ARHGEF5: variants seen among roughly 807,000 people sequenced by gnomAD.
ARHGEF5 encodes Rho guanine nucleotide exchange factor 5.
A neutral mutation model predicts 104.0 loss-of-function variants in ARHGEF5; 11 were observed. The ratio of observed to expected loss-of-function variants is 0.11; its 90% confidence interval spans 0.07 to 0.18. The LOEUF (loss-of-function observed/expected upper bound fraction) is 0.18. Ranked by LOEUF, ARHGEF5 falls within the 10% of genes least tolerant of loss-of-function variation. The probability of loss-of-function intolerance (pLI) is 1.00; values close to 1 mark genes in which losing one functional copy is unlikely to be tolerated. For missense variants in ARHGEF5, 165 were observed against 1,335.4 expected (o/e 0.12, Z 13.66); for synonymous variants, 60 against 512.2 (o/e 0.12, Z 11.92).
Position 144,362,670 on chromosome 7 carries a change from A to ATGGAGGCTGAGGGGGCCCAGCG in ARHGEF5, c.13_14insGGGCCCAGCGTGGAGGCTGAGG (p.Glu5?). On this transcript the variant is annotated frameshift_variant and start_lost, in exon 2 of 15. Coordinates refer to ENST00000056217, the MANE Select transcript of ARHGEF5 (RefSeq NM_005435.4). LOFTEE classifies it high-confidence loss of function. ...GATTCCTCCTTAGGATTCAGCCCTG[A>ATGGAGGCTGAGGGGGCCCAGCG]TGGAGGCTGAGGAGGCCCAGCGTGG... 7.4e-7 allele frequency: 1 copy of ATGGAGGCTGAGGGGGCCCAGCG among 1,354,730 alleles called. No homozygotes were observed. The highest frequency in any genetic ancestry group is 2.0e-5 in the Admixed American group (1 of 49,866). The allele number at this position is 1,354,730 out of a possible 1,614,324, so 83.9% of individuals were successfully genotyped here.
chr7:144,377,241 CT>C, intron 13 of ARHGEF5, 51 bp downstream of exon 13: 1 of 1,491,446 alleles, frequency 6.7e-7, no homozygotes, highest in Non-Finnish European at 9.0e-7. Context: ...CAGATGTCAC[CT>C]TTGGATACAG....
Position 144,363,344 on chromosome 7 carries a change from G to C in ARHGEF5, c.675G>C (p.Gln225His), listed in dbSNP as rs769759551. The change falls in exon 2 of 15, where the codon CAG (glutamine) becomes CAC (histidine). Residue 225 changes from glutamine (Q) to histidine (H), a missense_variant. Gln to His is a conservative substitution (Grantham distance 24). Coordinates refer to ENST00000056217, the MANE Select transcript of ARHGEF5 (RefSeq NM_005435.4). ...AAAGTCAAGGGCTCTTGCATCCCCA[G>C]GAGGTCCAAGTTCTGGAGGAGCAGG... Reference protein sequence around the residue: ...LQESQGLLHPQEVQVLEEQGQ... With the variant: ...LQESQGLLHPHEVQVLEEQGQ... 3.7e-5 allele frequency: 59 copies of C among 1,591,482 alleles called. 8 individuals are homozygous for C. The Middle Eastern group carries it at 1.3e-3, about 36-fold the overall frequency.
rs1456907568 is a variant in ARHGEF5 at position 144,380,294 on chromosome 7, AG to A, written c.*243del. 1 of 464,316 alleles carries A rather than the reference AG, an allele frequency of 2.2e-6. No individual in the cohort carries two copies. The highest frequency in any genetic ancestry group is 3.9e-6 in the Non-Finnish European group (1 of 259,630). 28.8% of individuals were successfully genotyped at this position (464,316 alleles called of 1,614,324 possible). A position where few individuals can be genotyped will look rare whatever the true frequency, so the allele number is the denominator to read the frequency against. On this transcript the variant is annotated 3_prime_UTR_variant, in exon 15 of 15. Coordinates refer to ENST00000056217, the MANE Select transcript of ARHGEF5 (RefSeq NM_005435.4). Reference sequence around the variant, plus strand: ...CTGGGAACCTTTCATCATTAAAAAAAGGGGGACCATTGGGGCCTGAGCCAAG... The same window carrying A: ...CTGGGAACCTTTCATCATTAAAAAAAGGGGACCATTGGGGCCTGAGCCAAG...
At chr7:144,378,718 C>T (rs780383985) in intron 13 of ARHGEF5, 44 bp from the exon 14 acceptor site, 1 of 1,558,156 alleles carries the variant, frequency 6.4e-7, no homozygotes, top group Non-Finnish European at 8.8e-7. Context: ...GTGTTCCAAT[C>T]CCCTGCCTCT....
At chr7:144,379,008 C>T in intron 14 of ARHGEF5, 142 bp downstream of exon 14, 1 of 816,478 alleles carries the variant, frequency 1.2e-6, no homozygotes, top group East Asian at 2.7e-5. Context: ...TCTCACAGTT[C>T]TGGAGGCAAG....
Position 144,379,985 on chromosome 7 carries a change from C to A in ARHGEF5, c.4723C>A (p.Arg1575Ser), listed in dbSNP as rs764608154. The A allele has an allele frequency of 3.1e-6, 5 of 1,614,054 alleles. No individual in the cohort carries two copies. The highest frequency in any genetic ancestry group is 2.2e-5 in the East Asian group (1 of 44,892). Residue 1575 changes from arginine to serine, a missense_variant, in exon 15 of 15, where the codon CGT becomes AGT. Physicochemically the swap from Arg to Ser is moderately radical, Grantham distance 110 (BLOSUM62 -1). Transcript: ENST00000056217. ...QVEFISNPEV[R>S]AQNLKEAHRV... is the part of the protein sequence containing the mutation. ...GGAGTTCATTTCCAACCCAGAGGTC[C>A]GTGCACAGAACCTGAAGGAAGCTCA... is the stretch of plus-strand genomic sequence containing the variant.
At chr7:144,379,580 TCTTAA>T (rs2053785629) in intron 14 of ARHGEF5, among the ~76,000 whole-genome samples, 1 of 152,226 alleles carries the variant, frequency 6.6e-6, no homozygotes, top group Non-Finnish European at 1.5e-5. Context: ...TATGACATCA[TCTTAA>T]CTTTATTAAT....
Position 144,363,257 on chromosome 7 carries a change from T to C in ARHGEF5, c.588T>C (p.Asn196=), listed in dbSNP as rs1432385955. 6.3e-7 allele frequency: 1 copy of C among 1,592,202 alleles called. No homozygotes were observed. Residue 196 remains asparagine (N), a synonymous_variant, in exon 2 of 15, where the codon AAT becomes AAC. Transcript: ENST00000056217. ...AGCATCCTGCAGAGACCAACCAGAA[T>C]GAAGGCTCTGAAAGTGGGACTATCA... ...CEEHPAETNQ[N]EGSESGTIRQ...
In ARHGEF5 at chr7:144,380,384, G is replaced by A. The variant is rs544162638; in HGVS notation, c.*328G>A. On this transcript the variant is annotated 3_prime_UTR_variant, in exon 15 of 15. Transcript: ENST00000056217. ...TCCGCCTCCAGGGTGCAGATTCAGA[G>A]CTGGCCAGAGTTTCAGTGATAGCCG... is the stretch of plus-strand genomic sequence containing the variant. 4.6e-6 allele frequency: 1 copy of A among 219,174 alleles called. No homozygotes were observed. The highest frequency in any genetic ancestry group is 9.7e-5 in the South Asian group (1 of 10,360). The allele number at this position is 219,174 out of a possible 1,614,324, so 13.6% of individuals were successfully genotyped here. A position where few individuals can be genotyped will look rare whatever the true frequency, so the allele number is the denominator to read the frequency against.
At position 144,380,009 on chromosome 7, in the gene ARHGEF5, C is replaced by T. The variant is rs1248896838; in HGVS notation, c.4747C>T (p.His1583Tyr). Residue 1583 changes from histidine (H) to tyrosine (Y), a missense_variant, in exon 15 of 15, where the codon CAT becomes TAT. By Grantham distance (83) the His-to-Tyr change is moderately conservative (BLOSUM62 2). Transcript: ENST00000056217. Reference sequence around the variant, plus strand: ...CCGTGCACAGAACCTGAAGGAAGCTCATCGAGTCAAGACTGCCAAACTACA... The same window carrying T: ...CCGTGCACAGAACCTGAAGGAAGCTTATCGAGTCAAGACTGCCAAACTACA... The part of the protein sequence containing the change: ...EVRAQNLKEA[H>Y]RVKTAKLQLV... The T allele has an allele frequency of 6.2e-7, 1 of 1,614,210 alleles. No individual in the cohort carries two copies. The highest frequency in any genetic ancestry group is 8.5e-7 in the Non-Finnish European group (1 of 1,180,040).
In ARHGEF5 at chr7:144,379,974, A is replaced by G; in HGVS notation, c.4712A>G (p.Asn1571Ser). The G allele has an allele frequency of 6.2e-7, 1 of 1,614,110 alleles. No individual in the cohort carries two copies. Among genetic ancestry groups the G allele is most frequent in the Non-Finnish European group, 8.5e-7 (1 of 1,180,020 alleles). Reference protein sequence around the residue: ...FPVQQVEFISNPEVRAQNLKE... With the variant: ...FPVQQVEFISSPEVRAQNLKE... The stretch of plus-strand genomic sequence containing the variant: ...GTGCAGCAGGTGGAGTTCATTTCCA[A>G]CCCAGAGGTCCGTGCACAGAACCTG... Residue 1571 changes from asparagine to serine, a missense_variant, in exon 15 of 15, where the codon AAC becomes AGC. By Grantham distance (46) the Asn-to-Ser change is conservative. Coordinates refer to ENST00000056217, the MANE Select transcript of ARHGEF5 (RefSeq NM_005435.4).
chr7:144,358,825 A>G (rs2053616301), intron 1 of ARHGEF5, among the ~76,000 whole-genome samples: 1 of 132,708 alleles, frequency 7.5e-6, no homozygotes, highest in Non-Finnish European at 1.6e-5. Context: ...GCTAAGCAGG[A>G]CAGTATTCTG....
intron 9 of ARHGEF5, 86 bp from the exon 10 acceptor site, chr7:144,373,109 C>G (rs1317149082): frequency 1.2e-6 from 1 of 815,802 alleles, no homozygotes; most frequent in Non-Finnish European, 2.0e-6. Context: ...CTGTCATAAC[C>G]TATTTCCAGA....
At chr7:144,374,968 AG>A in intron 11 of ARHGEF5, 79 bp downstream of exon 11, 1 of 507,218 alleles carries the variant, frequency 2.0e-6, no homozygotes, top group East Asian at 3.0e-5. Flanking sequence ...GGGAGAGAGA[AG>A]GGTCATGTTC....
In ARHGEF5 at chr7:144,380,183, A is replaced by C; in HGVS notation, c.*127A>C. ...GGCCTTCTCAAAGCTCAAGGACAAA[A>C]TCCAGCTAACCCAGTCCCTCGGCCC... On this transcript the variant is annotated 3_prime_UTR_variant, in exon 15 of 15. Coordinates refer to ENST00000056217, the MANE Select transcript of ARHGEF5 (RefSeq NM_005435.4). 1 of 1,278,442 alleles carries C rather than the reference A, an allele frequency of 7.8e-7. No homozygotes were observed. Among genetic ancestry groups the C allele is most frequent in the Non-Finnish European group, 1.1e-6 (1 of 925,984 alleles). The allele number at this position is 1,278,442 out of a possible 1,614,324, so 79.2% of individuals were successfully genotyped here. A position where few individuals can be genotyped will look rare whatever the true frequency, so the allele number is the denominator to read the frequency against.
intron 12 of ARHGEF5, among the ~76,000 whole-genome samples, chr7:144,375,961 G>C (rs1321669702): frequency 1.3e-5 from 2 of 152,268 alleles, no homozygotes; most frequent in African/African-American, 4.8e-5. Flanking sequence ...GAGAAGGACT[G>C]GTATGGAGTG....
chr7:144,361,228 A>C (rs1197744688), intron 1 of ARHGEF5, among the ~76,000 whole-genome samples: 1 of 41,374 alleles, frequency 2.4e-5, no homozygotes, highest in Non-Finnish European at 6.3e-5. Flanking sequence ...CTCCATCTCA[A>C]AAAAAAAAAA....
chr7:144,378,651 C>T (rs1337614356), intron 13 of ARHGEF5, 111 bp from the exon 14 acceptor site: 1 of 836,488 alleles, frequency 1.2e-6, no homozygotes. Flanking sequence ...CTTTCAACAG[C>T]CCAAATCTGT....
intron 1 of ARHGEF5, among the ~76,000 whole-genome samples, chr7:144,359,390 C>G (rs1406239529): frequency 6.9e-6 from 1 of 144,226 alleles, no homozygotes. Flanking sequence ...GATCCACACT[C>G]TTCTAACTCT....
Sources: gnomAD v4.1 joint callset for allele counts (sites outside exome capture counted in the v4.1 genomes callset) on GRCh38, gnomAD v4.1.1 for gene constraint, MANE v1.5 for transcripts, NCBI Gene and HGNC (gene_info 2026-07-23, HGNC 2026-07-21) for gene names.